The following ADAM29 variants were observed in gnomAD, a reference collection of about 807,000 sequenced individuals.
ADAM29 encodes the protein disintegrin and metalloproteinase domain-containing protein 29.
For synonymous variants in ADAM29, 367 were observed against 342.3 expected, an observed-to-expected ratio of 1.07 and a Z score of -0.80; for missense variants, 969 against 1,001.8, an observed-to-expected ratio of 0.97 and a Z score of 0.44.
At chr4:174,937,644 A>T (rs1295947289) in intron 4 of ADAM29, among the ~76,000 whole-genome samples, 2 of 151,970 alleles carry the variant, frequency 1.3e-5, no homozygotes, top group Non-Finnish European at 2.9e-5. Flanking sequence ...ACATGCTGCT[A>T]CCTCATTTCT....
chr4:174,920,587 A>G (rs1743110923), intron 1 of ADAM29, 100 bp from the exon 2 acceptor site: 1 of 152,170 alleles, frequency 6.6e-6, no homozygotes, highest in Non-Finnish European at 1.5e-5. Flanking sequence ...ACCAGAAAAT[A>G]TCAGGCAGAA....
intron 4 of ADAM29, among the ~76,000 whole-genome samples, chr4:174,956,534 A>G (rs1442243534): frequency 6.6e-6 from 1 of 151,250 alleles, no homozygotes; most frequent in Non-Finnish European, 1.5e-5. Flanking sequence ...AAAAAAAGAG[A>G]GAGAATAATG....
chr4:174,953,546 G>A (rs914794330), intron 4 of ADAM29, among the ~76,000 whole-genome samples: 6 of 151,972 alleles, frequency 3.9e-5, no homozygotes, highest in African/African-American at 1.5e-4. Flanking sequence ...CACAAAACTG[G>A]CCCAGATATA....
In ADAM29 at chr4:174,976,280, C is replaced by T. The variant is rs778892502; in HGVS notation, c.755C>T (p.Thr252Ile). The change falls in exon 5 of 5, where the codon ACC becomes ATC. Residue 252 changes from threonine to isoleucine, a missense_variant. By Grantham distance (89) the Thr-to-Ile change is moderately conservative. Transcript: ENST00000359240. The part of the protein sequence containing the change: ...KVLLFGLEIW[T>I]NKNLIVVDDV... The stretch of plus-strand genomic sequence containing the variant: ...TTATTATTTGGTTTGGAGATCTGGA[C>T]CAATAAAAACCTCATTGTAGTAGAT... 1.2e-6 allele frequency: 2 copies of T among 1,611,002 alleles called. No homozygotes were observed. The highest frequency in any genetic ancestry group is 1.7e-5 in the Admixed American group (1 of 59,400).
At chr4:174,926,227 A>G (rs1743508656) in intron 2 of ADAM29, among the ~76,000 whole-genome samples, 1 of 152,180 alleles carries the variant, frequency 6.6e-6, no homozygotes. Flanking sequence ...TACTATTATC[A>G]TTCCCATTTT....
intron 4 of ADAM29, among the ~76,000 whole-genome samples, chr4:174,969,061 T>C (rs1044684861): frequency 5.9e-5 from 9 of 152,078 alleles, no homozygotes; most frequent in Non-Finnish European, 1.3e-4. Flanking sequence ...CACAAAGACT[T>C]TCCATCACAT....
chr4:174,931,339 T>G (rs1305351079), intron 3 of ADAM29, 165 bp downstream of exon 3: 1 of 152,254 alleles, frequency 6.6e-6, no homozygotes, highest in African/African-American at 2.4e-5. Flanking sequence ...TTTGGTTTAT[T>G]GAACTAGGTC....
chr4:174,943,858 T>C (rs1312876711), intron 4 of ADAM29, among the ~76,000 whole-genome samples: 1 of 151,736 alleles, frequency 6.6e-6, no homozygotes, highest in Non-Finnish European at 1.5e-5. Context: ...TAAAACCTAA[T>C]AGTTTTATTA....
chr4:174,958,198 C>G (rs1745614947), intron 4 of ADAM29, among the ~76,000 whole-genome samples: 1 of 151,400 alleles, frequency 6.6e-6, no homozygotes, highest in Admixed American at 6.6e-5. Context: ...TCATTTCAAC[C>G]ATATCCTTGT....
intron 2 of ADAM29, among the ~76,000 whole-genome samples, chr4:174,924,687 G>A (rs1402241738): frequency 6.6e-6 from 1 of 152,152 alleles, no homozygotes; most frequent in Non-Finnish European, 1.5e-5. Context: ...GTGCATAATA[G>A]TAGGTGAAAA....
intron 3 of ADAM29, among the ~76,000 whole-genome samples, chr4:174,933,569 T>C (rs1579017772): frequency 6.6e-6 from 1 of 152,148 alleles, no homozygotes; most frequent in East Asian, 1.9e-4. Flanking sequence ...GAATATTTCT[T>C]CGCCCAGGTA....
Position 174,965,323 on chromosome 4 carries a change from G to C in ADAM29, c.-180-10023G>C, listed in dbSNP as rs151216212. 1.6e-3 allele frequency among the ~76,000 whole-genome samples: 240 copies of C among 152,068 alleles called. 3 individuals are homozygous for C. The highest frequency in any genetic ancestry group is 5.4e-3 in the African/African-American group (223 of 41,434). On this transcript the variant is annotated intron_variant, in intron 4 of 4. Transcript: ENST00000359240. ...AGAAATAACCCATTCTCTTAACAGT[G>C]AGAACTCACTCCCCCAAATAAATGC...
In ADAM29 at chr4:174,976,912, G is replaced by A; in HGVS notation, c.1387G>A (p.Asp463Asn). 6.2e-7 allele frequency: 1 copy of A among 1,614,118 alleles called. No homozygotes were observed. Among genetic ancestry groups the A allele is most frequent in the Non-Finnish European group, 8.5e-7 (1 of 1,180,010 alleles). ...GTGTAGAAAGGAGGTCAATGAATGTGATCTTCCAGAGTGGTGCAATGGTAC... is the reference window on the plus strand; with the variant it reads ...GTGTAGAAAGGAGGTCAATGAATGTAATCTTCCAGAGTGGTGCAATGGTAC... ...KVCRKEVNECDLPEWCNGTSH... is the reference protein window; with the variant it reads ...KVCRKEVNECNLPEWCNGTSH... The change falls in exon 5 of 5, where the codon GAT becomes AAT. Residue 463 changes from aspartate to asparagine, a missense_variant. Coordinates refer to ENST00000359240, the MANE Select transcript of ADAM29 (RefSeq NM_014269.4).
At position 174,975,583 on chromosome 4, in the gene ADAM29, A is replaced by G. The variant is rs1746714830; in HGVS notation, c.58A>G (p.Ile20Val). ...GGTGTTTCTGTCCTGTTCTGGACAC[A>G]TCCAGGATGAGCACCCCCAATATCA... ...LGVFLSCSGH[I>V]QDEHPQYHSP... Residue 20 changes from isoleucine (I) to valine (V), a missense_variant, in exon 5 of 5, where the codon ATC becomes GTC. Ile to Val is a conservative substitution (Grantham distance 29). Transcript: ENST00000359240. The G allele has an allele frequency of 6.3e-7, 1 of 1,589,268 alleles. No individual in the cohort carries two copies. The highest frequency in any genetic ancestry group is 1.2e-5 in the South Asian group (1 of 86,102).
At chr4:174,926,577 A>G (rs1432964059) in intron 2 of ADAM29, among the ~76,000 whole-genome samples, 1 of 152,040 alleles carries the variant, frequency 6.6e-6, no homozygotes, top group Non-Finnish European at 1.5e-5. Context: ...CAGCTTGGGC[A>G]GCATAATGAG....
At chr4:174,958,860 C>A (rs1745651683) in intron 4 of ADAM29, among the ~76,000 whole-genome samples, 1 of 151,790 alleles carries the variant, frequency 6.6e-6, no homozygotes. Flanking sequence ...CTTCAAATAA[C>A]ACTATATTTT....
intron 4 of ADAM29, among the ~76,000 whole-genome samples, chr4:174,965,496 T>TATC (rs1316018556): frequency 1.3e-5 from 2 of 151,444 alleles, no homozygotes; most frequent in Non-Finnish European, 2.9e-5. Context: ...TCTATCTATC[T>TATC]ATCTATCTAT....
chr4:174,942,102 C>G (rs1744573618), intron 4 of ADAM29, among the ~76,000 whole-genome samples: 1 of 152,206 alleles, frequency 6.6e-6, no homozygotes, highest in Non-Finnish European at 1.5e-5. Flanking sequence ...GGGGTGGGAT[C>G]CCATGGCCTT....
chr4:174,961,461 A>T (rs1288460383), intron 4 of ADAM29, among the ~76,000 whole-genome samples: 2 of 152,020 alleles, frequency 1.3e-5, no homozygotes, highest in Non-Finnish European at 2.9e-5. Context: ...AATGACCCAC[A>T]TAGTTACAAT....
Sources: gnomAD v4.1 joint callset for allele counts (sites outside exome capture counted in the v4.1 genomes callset) on GRCh38, gnomAD v4.1.1 for gene constraint, MANE v1.5 for transcripts, NCBI Gene and HGNC (gene_info 2026-07-23, HGNC 2026-07-21) for gene names.